The following HTR1F variants were observed in gnomAD, a reference collection of about 807,000 sequenced individuals.
HTR1F encodes 5-hydroxytryptamine receptor 1F.
Under a neutral mutation model 24.0 loss-of-function variants are expected in HTR1F, and 17 were observed. The observed-to-expected ratio is 0.71, with a 90% CI of 0.48 to 1.06. The LOEUF (loss-of-function observed/expected upper bound fraction) is 1.06. Among genes scored for constraint, HTR1F ranks in the 50% least tolerant of loss-of-function variants. The probability of loss-of-function intolerance (pLI) is 0.00; values close to 1 mark genes in which losing one functional copy is unlikely to be tolerated. For missense variants in HTR1F, 391 were observed against 427.8 expected (o/e 0.91, Z 0.76); for synonymous variants, 186 against 156.8 (o/e 1.19, Z -1.39).
At chr3:87,981,716 G>T (rs1180536492) in intron 2 of HTR1F, among the ~76,000 whole-genome samples, 2 of 152,110 alleles carry the variant, frequency 1.3e-5, no homozygotes, top group African/African-American at 4.8e-5. Context: ...CTGTACATGT[G>T]TATTTCCTCT....
At chr3:87,937,918 C>T (rs1400320934) in intron 2 of HTR1F, among the ~76,000 whole-genome samples, 2 of 127,026 alleles carry the variant, frequency 1.6e-5, no homozygotes, top group African/African-American at 3.1e-5. Flanking sequence ...AGCGAGACTC[C>T]ATCTCAAAAG....
At position 87,910,927 on chromosome 3, in the gene HTR1F, G is replaced by A. The variant is rs1221895541; in HGVS notation, c.-42-79781G>A. Among the ~76,000 whole-genome samples the A allele has an allele frequency of 3.3e-5, 5 of 152,006 alleles. No individual in the cohort carries two copies. The East Asian group carries it at 9.6e-4, about 29-fold the overall frequency. On this transcript the variant is annotated intron_variant, in intron 2 of 2. Coordinates refer to ENST00000319595, the MANE Select transcript of HTR1F (RefSeq NM_001322209.2). ...TCAAGAAGTTCTTTGAAACTAATGA[G>A]AACAAAGATATAACATACCACAATC...
intron 2 of HTR1F, among the ~76,000 whole-genome samples, chr3:87,911,096 G>A (rs2919267): frequency 0.49 from 74,613 of 151,600 alleles, 21,185 homozygotes; most frequent in African/African-American, 0.8. Context: ...AAAAGCTAGC[G>A]GAAGACAGGA....
At chr3:87,956,976 G>T (rs1225622624) in intron 2 of HTR1F, among the ~76,000 whole-genome samples, 1 of 150,912 alleles carries the variant, frequency 6.6e-6, no homozygotes, top group Non-Finnish European at 1.5e-5. Context: ...TTTTAGCCAG[G>T]TCTATGACAT....
At position 87,889,606 on chromosome 3, in the gene HTR1F, T is replaced by G. The variant is rs190501188; in HGVS notation, c.-43+67482T>G. ...GTTTGAGATGCTACAAGGAAAATGT[T>G]AGGCAGTTAAAAGATCCTTTGAAAA... On this transcript the variant is annotated intron_variant, in intron 2 of 2. Coordinates refer to ENST00000319595, the MANE Select transcript of HTR1F (RefSeq NM_001322209.2). 8.5e-5 allele frequency among the ~76,000 whole-genome samples: 13 copies of G among 152,340 alleles called. No homozygotes were observed. The East Asian group carries it at 2.5e-3, about 29-fold the overall frequency.
intron 2 of HTR1F, among the ~76,000 whole-genome samples, chr3:87,906,482 A>G (rs959442539): frequency 6.6e-5 from 10 of 152,082 alleles, no homozygotes; most frequent in African/African-American, 2.4e-4. Context: ...CTCCTGATAA[A>G]TAATGCTGCC....
At chr3:87,800,039 A>C (rs755469618) in intron 1 of HTR1F, among the ~76,000 whole-genome samples, 1 of 152,284 alleles carries the variant, frequency 6.6e-6, no homozygotes, top group South Asian at 2.1e-4. Flanking sequence ...CTGATCATTC[A>C]TTACTTACTT....
At position 87,800,455 on chromosome 3, in the gene HTR1F, C is replaced by T. The variant is rs527965008; in HGVS notation, c.-160+7613C>T. 5.3e-5 allele frequency among the ~76,000 whole-genome samples: 8 copies of T among 152,328 alleles called. No individual in the cohort carries two copies. In the East Asian group the frequency reaches 1.3e-3, roughly 26 times the overall value. On this transcript the variant is annotated intron_variant, in intron 1 of 2. Coordinates refer to ENST00000319595, the MANE Select transcript of HTR1F (RefSeq NM_001322209.2). ...ACATGGATTTGTTTTTCTTCCCAGA[C>T]TTCTTCCTTTGCTAAAAAGTAATTC...
At chr3:87,868,326 G>T (rs1705471718) in intron 2 of HTR1F, among the ~76,000 whole-genome samples, 1 of 151,838 alleles carries the variant, frequency 6.6e-6, no homozygotes, top group African/African-American at 2.4e-5. Flanking sequence ...CAGATTATGT[G>T]ATTTTTTTCT....
intron 1 of HTR1F, among the ~76,000 whole-genome samples, chr3:87,817,221 A>G (rs566213551): frequency 6.8e-4 from 104 of 152,270 alleles, no homozygotes; most frequent in African/African-American, 2.2e-3. Context: ...CCATACTTGA[A>G]TGCTATCATG....
chr3:87,974,123 C>T (rs1705343016), intron 2 of HTR1F, among the ~76,000 whole-genome samples: 1 of 152,204 alleles, frequency 6.6e-6, no homozygotes, highest in South Asian at 2.1e-4. Flanking sequence ...ACCAGGGAAA[C>T]TAATTTCCAT....
chr3:87,931,358 T>A (rs1278706360), intron 2 of HTR1F, among the ~76,000 whole-genome samples: 1 of 152,182 alleles, frequency 6.6e-6, no homozygotes, highest in Non-Finnish European at 1.5e-5. Context: ...TTCATCCATG[T>A]CCCTACAAAG....
intron 2 of HTR1F, among the ~76,000 whole-genome samples, chr3:87,949,014 T>C (rs6551259): frequency 0.44 from 66,656 of 151,946 alleles, 15,636 homozygotes; most frequent in African/African-American, 0.61. Flanking sequence ...AACCAAATTG[T>C]GTATCTATTT....
chr3:87,931,181 A>G (rs1341644871), intron 2 of HTR1F, among the ~76,000 whole-genome samples: 1 of 151,776 alleles, frequency 6.6e-6, no homozygotes, highest in Non-Finnish European at 1.5e-5. Flanking sequence ...TATATCCCCT[A>G]ATGCTATCAC....
intron 1 of HTR1F, among the ~76,000 whole-genome samples, chr3:87,813,446 T>C (rs1174807178): frequency 6.6e-6 from 1 of 152,236 alleles, no homozygotes; most frequent in Non-Finnish European, 1.5e-5. Flanking sequence ...CTTTTGATTT[T>C]ACAAGTTCAT....
intron 2 of HTR1F, among the ~76,000 whole-genome samples, chr3:87,885,532 C>CA (rs1232946767): frequency 3.3e-5 from 5 of 151,926 alleles, no homozygotes; most frequent in Non-Finnish European, 5.9e-5. Context: ...AAAAACCCTT[C>CA]AAAAAATCAG....
At chr3:87,925,729 A>G (rs1170097899) in intron 2 of HTR1F, among the ~76,000 whole-genome samples, 2 of 152,102 alleles carry the variant, frequency 1.3e-5, no homozygotes, top group Non-Finnish European at 2.9e-5. Flanking sequence ...CAGGGCCTGC[A>G]TGGAGTGTGA....
At chr3:87,861,148 C>T (rs1394916280) in intron 2 of HTR1F, among the ~76,000 whole-genome samples, 1 of 152,020 alleles carries the variant, frequency 6.6e-6, no homozygotes, top group Non-Finnish European at 1.5e-5. Flanking sequence ...CAGAGTGAGA[C>T]CCCATCTCAA....
chr3:87,927,169 G>A (rs1704145863), intron 2 of HTR1F, among the ~76,000 whole-genome samples: 1 of 152,102 alleles, frequency 6.6e-6, no homozygotes, highest in Non-Finnish European at 1.5e-5. Flanking sequence ...CTTAAGTGTA[G>A]ATGATCACCA....
Sources: allele counts gnomAD v4.1 joint callset (sites outside exome capture counted in the v4.1 genomes callset), GRCh38; gene constraint gnomAD v4.1.1; transcripts MANE v1.5; gene names NCBI Gene and HGNC (gene_info 2026-07-23, HGNC 2026-07-21).